Variants in TRMO observed in about 807,000 individuals in gnomAD.
TRMO encodes the protein tRNA (adenine(37)-N6)-methyltransferase.
A neutral mutation model predicts 37.2 loss-of-function variants in TRMO; 30 were observed. The observed-to-expected ratio is 0.81, with a 90% CI of 0.60 to 1.09. TRMO has a LOEUF of 1.09. TRMO is among the 50% of genes least tolerant of loss of function. TRMO has a pLI of 0.00. For missense variants in TRMO, 552 were observed against 549.5 expected (o/e 1.00, Z -0.05); for synonymous variants, 239 against 199.4 (o/e 1.20, Z -1.67).
intron 4 of TRMO, among the ~76,000 whole-genome samples, chr9:97,906,429 G>C (rs895328146): frequency 1.9e-4 from 29 of 152,162 alleles, no homozygotes; most frequent in African/African-American, 7.0e-4. Flanking sequence ...TCTCCTCTCA[G>C]AGTGCCCACA....
the TRMO span, among the ~76,000 whole-genome samples, chr9:97,898,697 A>C: frequency 6.6e-6 from 1 of 151,758 alleles, no homozygotes; most frequent in African/African-American, 2.4e-5. Context: ...CAGGAAACTT[A>C]TTTTTTACAA....
chr9:97,908,221 C>G (rs34888442), intron 4 of TRMO, among the ~76,000 whole-genome samples: 5,102 of 152,074 alleles, frequency 0.034, 120 homozygotes, highest in Non-Finnish European at 0.052. Flanking sequence ...GACCATCCTG[C>G]CTAACACGGT....
At chr9:97,897,734 A>C in the TRMO span, among the ~76,000 whole-genome samples, 1 of 152,254 alleles carries the variant, frequency 6.6e-6, no homozygotes, top group East Asian at 1.9e-4. Context: ...GAATTTAAAA[A>C]TGTTTTTTAT....
intron 2 of TRMO, among the ~76,000 whole-genome samples, chr9:97,914,655 T>C (rs1231886785): frequency 6.6e-6 from 1 of 152,160 alleles, no homozygotes; most frequent in Non-Finnish European, 1.5e-5. Context: ...AATATACATC[T>C]ATATTTTGTA....
chr9:97,915,979 T>TAC (rs968919791), intron 2 of TRMO, among the ~76,000 whole-genome samples, 185 bp downstream of exon 2: 3 of 152,150 alleles, frequency 2.0e-5, no homozygotes, highest in Non-Finnish European at 4.4e-5. Flanking sequence ...AGGCAGAGGT[T>TAC]ACAGTGCGCT....
At chr9:97,899,764 G>A (rs943219948), downstream of TRMO, among the ~76,000 whole-genome samples, 13 of 151,514 alleles carry the variant, frequency 8.6e-5, no homozygotes, top group Admixed American at 2.0e-4. Context: ...GCATGGTGGC[G>A]TGCGCCTGTA....
intron 1 of TRMO, among the ~76,000 whole-genome samples, chr9:97,921,493 G>A (rs1210986366): frequency 2.0e-5 from 3 of 150,126 alleles, no homozygotes; most frequent in Non-Finnish European, 4.4e-5. Flanking sequence ...GCGCGATCTC[G>A]GCTCACTGCA....
chr9:97,910,535 T>C lies in TRMO; in HGVS notation c.491A>G (p.Asp164Gly). ...LDIKPYIAEY[D>G]SPQNVMEPLA... ...AGGCTCCATCACATTTTGCGGTGAG[T>C]CATACTCAGCTATGTAGGGCTTGAT... The change falls in exon 4 of 5, where the codon GAC becomes GGC. Residue 164 changes from aspartate (D) to glycine (G), a missense_variant. Physicochemically the swap from Asp to Gly is moderately conservative, Grantham distance 94 (BLOSUM62 -1). Coordinates refer to ENST00000375119, the MANE Select transcript of TRMO (RefSeq NM_016481.5). 6.2e-7 allele frequency: 1 copy of C among 1,614,180 alleles called. No homozygotes were observed. The highest frequency in any genetic ancestry group is 8.5e-7 in the Non-Finnish European group (1 of 1,180,030).
the TRMO span, among the ~76,000 whole-genome samples, chr9:97,898,543 A>G: frequency 6.6e-6 from 1 of 151,916 alleles, no homozygotes; most frequent in African/African-American, 2.4e-5. Flanking sequence ...ATTTGTATAT[A>G]TACTTGTATA....
At chr9:97,905,177 T>G (rs758958377) in intron 4 of TRMO, among the ~76,000 whole-genome samples, 185 bp from the exon 5 acceptor site, 14 of 152,212 alleles carry the variant, frequency 9.2e-5, no homozygotes, top group Admixed American at 5.9e-4. Flanking sequence ...TAGGTTTAAC[T>G]TGTACACCCC....
downstream of TRMO, among the ~76,000 whole-genome samples, chr9:97,904,260 A>G (rs548984337): frequency 2.0e-5 from 3 of 152,280 alleles, no homozygotes; most frequent in South Asian, 4.1e-4. Flanking sequence ...TCTGAAACAC[A>G]TAAGTTTAAT....
downstream of TRMO, among the ~76,000 whole-genome samples, chr9:97,900,043 C>T (rs1022293836): frequency 1.3e-5 from 2 of 152,142 alleles, no homozygotes; most frequent in Admixed American, 1.3e-4. Flanking sequence ...GGCAATAGAG[C>T]AAGACTGCCT....
intron 2 of TRMO, chr9:97,915,801 TA>T (rs924914656): frequency 1.1e-4 from 18 of 156,998 alleles, no homozygotes; most frequent in East Asian, 1.8e-4. Flanking sequence ...TCTTAAAAAA[TA>T]AAAAAAAATA....
downstream of TRMO, among the ~76,000 whole-genome samples, chr9:97,901,049 A>G (rs1831157690): frequency 6.6e-6 from 1 of 152,372 alleles, no homozygotes; most frequent in African/African-American, 2.4e-5. Context: ...ATCATCAGTC[A>G]GCATTGCTTG....
chr9:97,909,860 C>G (rs901047408), intron 4 of TRMO, 100 bp downstream of exon 4: 4 of 854,680 alleles, frequency 4.7e-6, no homozygotes, highest in South Asian at 1.9e-5. Context: ...ACCAGTCATA[C>G]TGACAAACAC....
chr9:97,919,889 GAAA>G (rs1826546086), intron 1 of TRMO, among the ~76,000 whole-genome samples: 24 of 152,154 alleles, frequency 1.6e-4, no homozygotes, highest in Admixed American at 1.6e-3. Flanking sequence ...GAGCTACTTT[GAAA>G]GAGTTCTTCT....
At chr9:97,902,335 C>G (rs1825691959), downstream of TRMO, among the ~76,000 whole-genome samples, 1 of 152,178 alleles carries the variant, frequency 6.6e-6, no homozygotes. Context: ...GGGTCTCACT[C>G]TGTCGCCCAG....
chr9:97,912,780 G>T (rs1238332373), intron 3 of TRMO: 9 of 466,152 alleles, frequency 1.9e-5, no homozygotes, highest in Non-Finnish European at 3.6e-5. Context: ...TATAACAAAT[G>T]CATCTGTTAG....
downstream of TRMO, among the ~76,000 whole-genome samples, chr9:97,901,997 C>T (rs974717826): frequency 2.6e-5 from 4 of 152,280 alleles, no homozygotes; most frequent in Middle Eastern, 3.4e-3. Context: ...TTATGAGAAA[C>T]AGCTGAAGAA....
Sources: allele counts gnomAD v4.1 joint callset (sites outside exome capture counted in the v4.1 genomes callset), GRCh38; gene constraint gnomAD v4.1.1; transcripts MANE v1.5; gene names NCBI Gene and HGNC (gene_info 2026-07-23, HGNC 2026-07-21).